SPTBN4: variants seen among roughly 807,000 people sequenced by gnomAD.
SPTBN4 encodes spectrin beta chain, non-erythrocytic 4.
SPTBN4 carries 96 observed loss-of-function variants against 277.8 expected under a neutral mutation model. The ratio of observed to expected loss-of-function variants is 0.35; its 90% confidence interval spans 0.29 to 0.41. SPTBN4 has a LOEUF of 0.41. SPTBN4 is among the 10% of genes least tolerant of loss of function. The pLI is 1.00. For missense variants in SPTBN4, 3,006 were observed against 3,595.7 expected, an observed-to-expected ratio of 0.84 and a Z score of 4.19; for synonymous variants, 1,481 against 1,580.3, an observed-to-expected ratio of 0.94 and a Z score of 1.49.
In SPTBN4 at chr19:40,575,523, C is replaced by G; in HGVS notation, c.7649C>G (p.Pro2550Arg). The change falls in exon 36 of 36, where the codon CCT becomes CGT. Residue 2550 changes from proline (P) to arginine (R), a missense_variant. Coordinates refer to ENST00000598249, the MANE Select transcript of SPTBN4 (RefSeq NM_020971.3). ...PTTSSTDEGNPKREGGDRRAS... is the reference protein window; with the variant it reads ...PTTSSTDEGNRKREGGDRRAS... ...ACTTCATCCACAGATGAGGGCAACC[C>G]TAAGAGGGAAGGCGGAGATCGCAGG... The G allele has an allele frequency of 6.2e-7, 1 of 1,613,136 alleles. No homozygotes were observed. The highest frequency in any genetic ancestry group is 8.5e-7 in the Non-Finnish European group (1 of 1,179,816).
At chr19:40,472,829 G>T in intron 2 of SPTBN4, 39 bp downstream of exon 2, 3 of 1,477,684 alleles carry the variant, frequency 2.0e-6, no homozygotes, top group Non-Finnish European at 1.8e-6. Context: ...AGGAGGAGGG[G>T]GAAGGGGGAA....
At chr19:40,514,566 G>A (rs752821361) in intron 14 of SPTBN4, among the ~76,000 whole-genome samples, 1 of 152,168 alleles carries the variant, frequency 6.6e-6, no homozygotes, top group Admixed American at 6.5e-5. Context: ...CCAACATGGG[G>A]GCCCAGAGGA....
chr19:40,542,290 C>T (rs2080810287), intron 20 of SPTBN4, among the ~76,000 whole-genome samples: 1 of 152,156 alleles, frequency 6.6e-6, no homozygotes, highest in Non-Finnish European at 1.5e-5. Flanking sequence ...CTCCTTGTGT[C>T]CTCTCCCTCA....
In SPTBN4 at chr19:40,513,532, G is replaced by A; in HGVS notation, c.2743G>A (p.Asp915Asn). 1 of 1,585,434 alleles carries A rather than the reference G, an allele frequency of 6.3e-7. No homozygotes were observed. The highest frequency in any genetic ancestry group is 8.5e-7 in the Non-Finnish European group (1 of 1,171,030). Reference protein sequence around the residue: ...LSMRVPDSLDDVEVVQHRFES... With the variant: ...LSMRVPDSLDNVEVVQHRFES... ...CATGCGTGTGCCGGATTCACTCGAC[G>A]ACGTCGAGGTGGTGCAGCACCGGTG... The change falls in exon 14 of 36, where the codon GAC becomes AAC. Residue 915 changes from aspartate (D) to asparagine (N), a missense_variant. Physicochemically the swap from Asp to Asn is conservative, Grantham distance 23. Coordinates refer to ENST00000598249, the MANE Select transcript of SPTBN4 (RefSeq NM_020971.3).
At chr19:40,474,151 C>CAAAAAAAAAAAAAAAAAAAAAAAA (rs71173641) in intron 2 of SPTBN4, among the ~76,000 whole-genome samples, 1 of 34,448 alleles carries the variant, frequency 2.9e-5, no homozygotes, top group Admixed American at 5.0e-4. Flanking sequence ...GAACCTATCT[C>CAAAAAAAAAAAAAAAAAAAAAAAA]AAAAAAAAAA....
intron 2 of SPTBN4, among the ~76,000 whole-genome samples, chr19:40,478,531 C>A (rs1006689824): frequency 6.6e-6 from 1 of 151,946 alleles, no homozygotes; most frequent in African/African-American, 2.4e-5. Flanking sequence ...TGAGATCCCA[C>A]CTTAAGAAAT....
chr19:40,502,736 A>G lies in SPTBN4; in HGVS notation c.1204-39A>G. ...AAGTCAAGACCATTAAACTGTGGGG[A>G]GCTGTCAGAGTCTGAGTGCCTCCTC... On this transcript the variant is annotated intron_variant, in intron 10 of 35. Transcript: ENST00000598249. The surrounding 1 kb of genome is among the most constrained non-coding windows in gnomAD (Gnocchi z 4.9). 6.2e-7 allele frequency: 1 copy of G among 1,605,520 alleles called. No individual in the cohort carries two copies. Among genetic ancestry groups the G allele is most frequent in the Non-Finnish European group, 8.5e-7 (1 of 1,175,732 alleles).
At chr19:40,494,005 G>A (rs1473249955) in intron 5 of SPTBN4, among the ~76,000 whole-genome samples, 1 of 152,214 alleles carries the variant, frequency 6.6e-6, no homozygotes, top group African/African-American at 2.4e-5. Flanking sequence ...GTCCTTGGTC[G>A]CTTCAGTGTG....
intron 22 of SPTBN4, among the ~76,000 whole-genome samples, chr19:40,553,178 A>T (rs1314493988): frequency 6.6e-6 from 1 of 152,210 alleles, no homozygotes; most frequent in East Asian, 1.9e-4. Flanking sequence ...AGGGTAGCAG[A>T]CACTCAAGAA....
intron 15 of SPTBN4, among the ~76,000 whole-genome samples, chr19:40,517,667 C>T (rs1184621703): frequency 1.3e-5 from 2 of 152,170 alleles, no homozygotes; most frequent in Non-Finnish European, 2.9e-5. Flanking sequence ...GTAGCCAAGA[C>T]CATCGCAAAG....
chr19:40,555,489 C>CAAAAAA (rs56045928), intron 24 of SPTBN4, among the ~76,000 whole-genome samples: 9 of 74,856 alleles, frequency 1.2e-4, no homozygotes, highest in South Asian at 4.8e-4. Flanking sequence ...GACTCCGTCT[C>CAAAAAA]AAAAAAAAAA....
rs146690506 is a variant in SPTBN4, at chr19:40,540,076, G to A, written c.4359+5733G>A. ...CGAGTAGCTGGGACTATAGGCACCC[G>A]CCACCATACCCGGCTAATTTTTGTA... On this transcript the variant is annotated intron_variant, in intron 20 of 35. Coordinates refer to ENST00000598249, the MANE Select transcript of SPTBN4 (RefSeq NM_020971.3). 5.5e-4 allele frequency among the ~76,000 whole-genome samples: 83 copies of A among 151,640 alleles called. 2 individuals are homozygous for A. The highest frequency in any genetic ancestry group is 6.8e-3 in the Middle Eastern group (2 of 292).
chr19:40,543,271 G>A (rs189841147), intron 20 of SPTBN4, among the ~76,000 whole-genome samples: 39 of 152,246 alleles, frequency 2.6e-4, no homozygotes, highest in African/African-American at 7.7e-4. Context: ...CCAACACAGC[G>A]AGACCCCACC....
chr19:40,505,886 G>A (rs139100621), intron 12 of SPTBN4, among the ~76,000 whole-genome samples: 30 of 152,278 alleles, frequency 2.0e-4, no homozygotes, highest in African/African-American at 6.5e-4. Context: ...AGACATGGAG[G>A]CAGAGAGTGA....
chr19:40,517,436 T>C lies in SPTBN4; in HGVS notation c.2904-1965T>C, dbSNP rs1366606520. Reference sequence around the variant, plus strand: ...CTCAGCCTCTTGAGTAGTGGGACTATGGATGCACACCACTGCACCCGGCTA... The same window carrying C: ...CTCAGCCTCTTGAGTAGTGGGACTACGGATGCACACCACTGCACCCGGCTA... On this transcript the variant is annotated intron_variant, in intron 15 of 35. Transcript: ENST00000598249. Among the ~76,000 whole-genome samples, 4 of 152,124 alleles carry C rather than the reference T, an allele frequency of 2.6e-5. No individual in the cohort carries two copies. The East Asian group carries it at 7.7e-4, about 29-fold the overall frequency.
chr19:40,472,598 T>C lies in SPTBN4; in HGVS notation c.-15-9T>C. ...ATCCTAGACCTAACCTACCTCTCCCTATGTCCAGGCCTCACCTTCCCCGAT... is the reference window on the plus strand; with the variant it reads ...ATCCTAGACCTAACCTACCTCTCCCCATGTCCAGGCCTCACCTTCCCCGAT... On this transcript the variant is annotated splice_polypyrimidine_tract_variant and intron_variant, in intron 1 of 35. Transcript: ENST00000598249. 1.9e-6 allele frequency: 3 copies of C among 1,594,702 alleles called. No individual in the cohort carries two copies. The highest frequency in any genetic ancestry group is 2.6e-6 in the Non-Finnish European group (3 of 1,167,194).
chr19:40,519,428 A>C lies in SPTBN4; in HGVS notation c.2931A>C (p.Glu977Asp). The change falls in exon 16 of 36, where the codon GAA (glutamate) becomes GAC (aspartate). Residue 977 changes from glutamate to aspartate, a missense_variant. Around this residue, in one of 5 missense-constraint regions of SPTBN4, gnomAD observed 1,759 missense variants for 2,061.5 expected, o/e 0.85. Transcript: ENST00000598249. The surrounding 1 kb of genome is among the most constrained non-coding windows in gnomAD (Gnocchi z 5.7). The stretch of plus-strand genomic sequence containing the variant: ...GGAACCGCATCGTGGAGCTAGTGGA[A>C]CAGCGCAAAGAGGAAATGAGCGCGG... The part of the protein sequence containing the change: ...SRWNRIVELV[E>D]QRKEEMSAVL... 1 of 1,590,608 alleles carries C rather than the reference A, an allele frequency of 6.3e-7. No homozygotes were observed. Among genetic ancestry groups the C allele is most frequent in the Non-Finnish European group, 8.5e-7 (1 of 1,170,868 alleles).
Position 40,512,851 on chromosome 19 carries a change from G to C in SPTBN4, c.2062G>C (p.Ala688Pro). 2.1e-6 allele frequency: 3 copies of C among 1,458,098 alleles called. No homozygotes were observed. The highest frequency in any genetic ancestry group is 1.8e-6 in the Non-Finnish European group (2 of 1,118,106). 90.3% of individuals were successfully genotyped at this position (1,458,098 alleles called of 1,614,324 possible). A position where few individuals can be genotyped will look rare whatever the true frequency, so the allele number is the denominator to read the frequency against. Residue 688 changes from alanine (A) to proline (P), a missense_variant, in exon 14 of 36, where the codon GCG (alanine) becomes CCG (proline). Ala to Pro is a conservative substitution (Grantham distance 27, BLOSUM62 -1). This residue lies in a region of SPTBN4 where 1,759 missense variants were observed against 2,061.5 expected (regional missense o/e 0.85). Coordinates refer to ENST00000598249, the MANE Select transcript of SPTBN4 (RefSeq NM_020971.3). ...AAGAAGTAGGAHDLSSTARLL... is the reference protein window; with the variant it reads ...AAGAAGTAGGPHDLSSTARLL... ...GGGCGCAGCGGGAACAGCGGGCGGC[G>C]CGCATGACCTGTCCAGCACAGCGCG...
chr19:40,486,513 G>C (rs2145821825), intron 2 of SPTBN4, among the ~76,000 whole-genome samples: 1 of 152,028 alleles, frequency 6.6e-6, no homozygotes, highest in East Asian at 1.9e-4. Context: ...GGGACTACAG[G>C]GGCATTCCAC....
Sources: gnomAD v4.1 joint callset for allele counts (sites outside exome capture counted in the v4.1 genomes callset) on GRCh38, gnomAD v4.1.1 for gene constraint, gnomAD v4.1.1 regional missense constraint, Gnocchi (gnomAD v3.1) non-coding constraint, MANE v1.5 for transcripts, NCBI Gene and HGNC (gene_info 2026-07-23, HGNC 2026-07-21) for gene names.